Variants in PNPLA6 observed in about 807,000 individuals in gnomAD.
PNPLA6 encodes the protein patatin-like phospholipase domain-containing protein 6.
In PNPLA6, 105 loss-of-function variants were observed where a neutral mutation model predicts 153.7. The observed-to-expected ratio is 0.68, with a 90% CI of 0.58 to 0.80. The LOEUF (loss-of-function observed/expected upper bound fraction) is 0.80, where lower values mean the gene tolerates loss of function less well. Among genes scored for constraint, PNPLA6 ranks in the 30% least tolerant of loss-of-function variants. The pLI is 0.00. For synonymous variants in PNPLA6, 825 were observed against 822.2 expected, an observed-to-expected ratio of 1.00 and a Z score of -0.06; for missense variants, 1,423 against 1,919.3, an observed-to-expected ratio of 0.74 and a Z score of 4.83.
intron 19 of PNPLA6, 48 bp from the exon 20 acceptor site, chr19:7,554,161 A>T: frequency 6.3e-7 from 1 of 1,591,996 alleles, no homozygotes; most frequent in Non-Finnish European, 8.6e-7. Context: ...GTTAGGCCCC[A>T]GCCCTGTGGA....
At chr19:7,559,200 C>T in intron 28 of PNPLA6, 49 bp downstream of exon 28, 1 of 1,526,268 alleles carries the variant, frequency 6.6e-7, no homozygotes, top group Non-Finnish European at 9.1e-7. Flanking sequence ...TCCGGCTAAG[C>T]TTTGCTACTT....
chr19:7,554,854 G>T (rs1237922154), intron 21 of PNPLA6, 39 bp from the exon 22 acceptor site: 1 of 1,570,804 alleles, frequency 6.4e-7, no homozygotes, highest in African/African-American at 1.3e-5. Context: ...CCAGGTGGTG[G>T]TGGGGCGGCT....
intron 13 of PNPLA6, among the ~76,000 whole-genome samples, chr19:7,546,781 G>A (rs1197134364): frequency 6.6e-6 from 1 of 152,156 alleles, no homozygotes; most frequent in Non-Finnish European, 1.5e-5. Flanking sequence ...ATGTTTCCCA[G>A]GCTGGTCTTA....
At chr19:7,557,850 G>C (rs1453611774) in intron 27 of PNPLA6, among the ~76,000 whole-genome samples, 1 of 151,960 alleles carries the variant, frequency 6.6e-6, no homozygotes, top group Non-Finnish European at 1.5e-5. Context: ...AAGCACAAGT[G>C]GATGTACGTA....
intron 16 of PNPLA6, 100 bp from the exon 17 acceptor site, chr19:7,550,894 C>T (rs531830165): frequency 9.7e-4 from 950 of 977,034 alleles, no homozygotes; most frequent in Non-Finnish European, 1.4e-3. Flanking sequence ...ACCCCCATTG[C>T]AGGGGAGCCC....
rs2023986463 is a variant in PNPLA6, at chr19:7,558,703, G to A, written c.3398-147G>A. 3 of 654,258 alleles carry A rather than the reference G, an allele frequency of 4.6e-6. No homozygotes were observed. The Admixed American group carries it at 7.2e-5, about 16-fold the overall frequency. 40.5% of individuals were successfully genotyped at this position (654,258 alleles called of 1,614,324 possible). A position where few individuals can be genotyped will look rare whatever the true frequency, so the allele number is the denominator to read the frequency against. On this transcript the variant is annotated intron_variant, in intron 27 of 31. Transcript: ENST00000600737. ...TCAGTTGCATCATTTGCACGTCTGT[G>A]CATGACAGCATGGTGTTTGCATGTG...
At position 7,535,742 on chromosome 19, in the gene PNPLA6, G is replaced by A. The variant is rs1252803424; in HGVS notation, c.-47G>A. ...GCACTGCGGGCCGCCGGGCCTCAGG[G>A]AAGAGTCGCGCCCCCGGGGAGGGAG... On this transcript the variant is annotated 5_prime_UTR_variant, in exon 1 of 32. Coordinates refer to ENST00000600737, the MANE Select transcript of PNPLA6 (RefSeq NM_001166114.2). This position sits in a 1 kb window ranked among gnomAD's most constrained non-coding sequence, Gnocchi z 5.0. 6 of 1,519,678 alleles carry A rather than the reference G, an allele frequency of 3.9e-6. No individual in the cohort carries two copies. The East Asian group carries it at 7.4e-5, about 19-fold the overall frequency. 94.1% of individuals were successfully genotyped at this position (1,519,678 alleles called of 1,614,324 possible). A position where few individuals can be genotyped will look rare whatever the true frequency, so the allele number is the denominator to read the frequency against.
chr19:7,558,354 G>A (rs1210448809), intron 27 of PNPLA6, among the ~76,000 whole-genome samples: 3 of 152,188 alleles, frequency 2.0e-5, no homozygotes, highest in Non-Finnish European at 4.4e-5. Context: ...TTATTGAGCT[G>A]GGCACAGTGG....
rs1464085691 is a variant in PNPLA6, at chr19:7,561,661, G to A, written c.*99G>A. 2 of 840,232 alleles carry A rather than the reference G, an allele frequency of 2.4e-6. No homozygotes were observed. Among genetic ancestry groups the A allele is most frequent in the East Asian group, 5.3e-5 (2 of 37,842 alleles). The allele number at this position is 840,232 out of a possible 1,614,324, so 52.0% of individuals were successfully genotyped here. A position where few individuals can be genotyped will look rare whatever the true frequency, so the allele number is the denominator to read the frequency against. ...CTCCCCCTCCTGCTGCTATGCCTGT[G>A]ACCCCCGCGGCCCACACACTGGACT... On this transcript the variant is annotated 3_prime_UTR_variant, in exon 32 of 32. Coordinates refer to ENST00000600737, the MANE Select transcript of PNPLA6 (RefSeq NM_001166114.2).
rs144749444 is a variant in PNPLA6, at chr19:7,540,522, C to A, written c.715-108C>A. The A allele has an allele frequency of 2.8e-4, 304 of 1,083,632 alleles. 1 individual carries two copies. In the African/African-American group the frequency reaches 3.9e-3, roughly 14 times the overall value. 67.1% of individuals were successfully genotyped at this position (1,083,632 alleles called of 1,614,324 possible). A position where few individuals can be genotyped will look rare whatever the true frequency, so the allele number is the denominator to read the frequency against. ...TGCTCGTTGGAAGGGTTGGTGGGTT[C>A]CCCTGAGAAGGGATGAGAAGTGTCA... is the stretch of plus-strand genomic sequence containing the variant. On this transcript the variant is annotated intron_variant, in intron 5 of 31. Coordinates refer to ENST00000600737, the MANE Select transcript of PNPLA6 (RefSeq NM_001166114.2). The surrounding 1 kb of genome is among the most constrained non-coding windows in gnomAD (Gnocchi z 6.8).
Position 7,542,800 on chromosome 19 carries a change from T to C in PNPLA6, c.1402T>C (p.Cys468Arg), listed in dbSNP as rs946189975. 1 of 1,613,078 alleles carries C rather than the reference T, an allele frequency of 6.2e-7. No individual in the cohort carries two copies. Among genetic ancestry groups the C allele is most frequent in the Non-Finnish European group, 8.5e-7 (1 of 1,179,950 alleles). ...GCCTCGTGAGCAGCCGGCAGGCGCC[T>C]GTGAATACAGCTACTGTGAGGATGA... The part of the protein sequence containing the change: ...QEPREQPAGA[C>R]EYSYCEDESA... Residue 468 changes from cysteine (C) to arginine (R), a missense_variant, in exon 12 of 32, where the codon TGT becomes CGT. Transcript: ENST00000600737.
intron 12 of PNPLA6, 35 bp from the exon 13 acceptor site, chr19:7,542,972 T>C (rs1020953351): frequency 5.6e-6 from 9 of 1,613,644 alleles, no homozygotes; most frequent in Non-Finnish European, 7.6e-6. Context: ...AAGGGAGGCC[T>C]GGCTGCGCCC....
In PNPLA6 at chr19:7,541,350, G is replaced by C; in HGVS notation, c.925-4G>C. On this transcript the variant is annotated splice_region_variant and splice_polypyrimidine_tract_variant and intron_variant, in intron 7 of 31. Coordinates refer to ENST00000600737, the MANE Select transcript of PNPLA6 (RefSeq NM_001166114.2). This position sits in a 1 kb window ranked among gnomAD's most constrained non-coding sequence, Gnocchi z 5.2. ...CTTATGGCCACGCCCCTCGAGCCCTGCAGATCATCATGGTGCGGCTGCAGC... is the reference window on the plus strand; with the variant it reads ...CTTATGGCCACGCCCCTCGAGCCCTCCAGATCATCATGGTGCGGCTGCAGC... 6.2e-7 allele frequency: 1 copy of C among 1,613,422 alleles called. No homozygotes were observed. The highest frequency in any genetic ancestry group is 8.5e-7 in the Non-Finnish European group (1 of 1,179,634).
intron 13 of PNPLA6, among the ~76,000 whole-genome samples, chr19:7,547,830 T>TAAAA (rs1406303979): frequency 2.3e-5 from 3 of 132,898 alleles, no homozygotes; most frequent in East Asian, 4.6e-4. Context: ...TTTTTTTTTT[T>TAAAA]TTTTTTTTTT....
intron 28 of PNPLA6, among the ~76,000 whole-genome samples, chr19:7,559,375 T>C (rs2024014084): frequency 1.3e-5 from 2 of 152,206 alleles, no homozygotes; most frequent in South Asian, 4.1e-4. Flanking sequence ...ATAGGCCAGC[T>C]GCACCCCTGG....
Position 7,553,909 on chromosome 19 carries a change from C to G in PNPLA6, c.2295C>G (p.Leu765=). ...TGGGTGTGCCCCCACACTCGGAACT[C>G]ACCAACCCAGCCAGCAACCTGGCAA... ...SGLGVPPHSE[L]TNPASNLATV... The change falls in exon 19 of 32, where the codon CTC becomes CTG. Residue 765 remains leucine (L), a synonymous_variant. Coordinates refer to ENST00000600737, the MANE Select transcript of PNPLA6 (RefSeq NM_001166114.2). 6.2e-7 allele frequency: 1 copy of G among 1,614,234 alleles called. No individual in the cohort carries two copies. The highest frequency in any genetic ancestry group is 8.5e-7 in the Non-Finnish European group (1 of 1,180,044).
chr19:7,547,825 T>G (rs2023453265), intron 13 of PNPLA6, among the ~76,000 whole-genome samples: 1 of 122,338 alleles, frequency 8.2e-6, no homozygotes, highest in Non-Finnish European at 1.7e-5. Context: ...TTTTTTTTTT[T>G]TTTTTTTTTT....
intron 1 of PNPLA6, 37 bp from the exon 2 acceptor site, chr19:7,536,154 C>T: frequency 6.5e-7 from 1 of 1,532,762 alleles, no homozygotes. Context: ...GGAGTCTGCA[C>T]AGAGCTCGGA....
rs984811774 is a variant in PNPLA6, at chr19:7,541,237, T to G, written c.925-117T>G. The stretch of plus-strand genomic sequence containing the variant: ...GCTGCCTCGCCCCATTTCCCCAGAC[T>G]GTGGGTCTCTCCCTGGTTCCCGCCC... On this transcript the variant is annotated intron_variant, in intron 7 of 31. Transcript: ENST00000600737. This position sits in a 1 kb window ranked among gnomAD's most constrained non-coding sequence, Gnocchi z 5.2. The G allele has an allele frequency of 9.0e-7, 1 of 1,111,912 alleles. No homozygotes were observed. The highest frequency in any genetic ancestry group is 1.3e-6 in the Non-Finnish European group (1 of 752,738). The allele number at this position is 1,111,912 out of a possible 1,614,324, so 68.9% of individuals were successfully genotyped here.
Sources: allele counts gnomAD v4.1 joint callset (sites outside exome capture counted in the v4.1 genomes callset), GRCh38; gene constraint gnomAD v4.1.1; non-coding constraint Gnocchi (gnomAD v3.1); transcripts MANE v1.5; gene names NCBI Gene and HGNC (gene_info 2026-07-23, HGNC 2026-07-21).